Variants in ST6GALNAC4 observed in about 807,000 individuals in gnomAD.
ST6GALNAC4 encodes alpha-N-acetyl-neuraminyl-2,3-beta-galactosyl-1,3-N-acetyl-galactosaminide alpha-2,6-sialyltransferase.
A neutral mutation model predicts 30.4 loss-of-function variants in ST6GALNAC4; 24 were observed. That is an observed-to-expected ratio of 0.79 (90% CI 0.57 to 1.11). The LOEUF is 1.11. Among genes scored for constraint, ST6GALNAC4 ranks in the 50% most tolerant of loss-of-function variants. ST6GALNAC4 has a pLI of 0.00. For synonymous variants in ST6GALNAC4, 156 were observed against 179.7 expected, an observed-to-expected ratio of 0.87 and a Z score of 1.05; for missense variants, 365 against 430.1, an observed-to-expected ratio of 0.85 and a Z score of 1.34.
intron 5 of ST6GALNAC4, among the ~76,000 whole-genome samples, 159 bp from the exon 6 acceptor site, chr9:127,908,740 C>T (rs957700053): frequency 3.3e-5 from 5 of 151,410 alleles, no homozygotes; most frequent in Admixed American, 6.6e-5. Context: ...TAGCAGATCC[C>T]GAGAGCCAGG....
At chr9:127,910,171 T>G in intron 4 of ST6GALNAC4, 113 bp from the exon 5 acceptor site, 15 of 1,393,402 alleles carry the variant, frequency 1.1e-5, no homozygotes, top group Non-Finnish European at 9.4e-6. Flanking sequence ...CTCAACCTCT[T>G]GCGGGGGGCT....
chr9:127,914,839 A>T lies in ST6GALNAC4; in HGVS notation c.15T>A (p.Gly5=). 1 of 1,484,546 alleles carries T rather than the reference A, an allele frequency of 6.7e-7. No homozygotes were observed. The highest frequency in any genetic ancestry group is 9.0e-7 in the Non-Finnish European group (1 of 1,110,026). 92.0% of individuals were successfully genotyped at this position (1,484,546 alleles called of 1,614,324 possible). ...AGCACAGGATGATGAGCACGAGCCGACCCTGAGGGAGACAGTGGCCATGGG... is the reference window on the plus strand; with the variant it reads ...AGCACAGGATGATGAGCACGAGCCGTCCCTGAGGGAGACAGTGGCCATGGG... MKAP[G]RLVLIILCSV... The change falls in exon 3 of 6, where the codon GGT becomes GGA. Residue 5 remains glycine, a splice_region_variant and synonymous_variant. Coordinates refer to ENST00000335791, the MANE Select transcript of ST6GALNAC4 (RefSeq NM_175039.4).
Position 127,916,535 on chromosome 9 carries a change from A to G in ST6GALNAC4, c.-75-41T>C, listed in dbSNP as rs1588679324. ...AACTCAGAGCCGGGAGGGGTAAGGCAGGTGGGGTTCTAAGCTATAGGGAAA... is the reference window on the plus strand; with the variant it reads ...AACTCAGAGCCGGGAGGGGTAAGGCGGGTGGGGTTCTAAGCTATAGGGAAA... On this transcript the variant is annotated intron_variant, in intron 1 of 5. Coordinates refer to ENST00000335791, the MANE Select transcript of ST6GALNAC4 (RefSeq NM_175039.4). 3.1e-6 allele frequency: 4 copies of G among 1,294,518 alleles called. No individual in the cohort carries two copies. In the East Asian group the frequency reaches 9.2e-5, roughly 30 times the overall value. 80.2% of individuals were successfully genotyped at this position (1,294,518 alleles called of 1,614,324 possible).
chr9:127,914,921 TG>T, intron 2 of ST6GALNAC4, 80 bp from the exon 3 acceptor site: 1 of 1,323,722 alleles, frequency 7.6e-7, no homozygotes, highest in Non-Finnish European at 9.9e-7. Flanking sequence ...CCTGGCCTCC[TG>T]GGTCTAGAGA....
chr9:127,914,323 G>C (rs1831142739), intron 3 of ST6GALNAC4, among the ~76,000 whole-genome samples: 1 of 150,196 alleles, frequency 6.7e-6, no homozygotes, highest in Non-Finnish European at 1.5e-5. Context: ...GAACCTGGGA[G>C]GCAGAGGTTG....
chr9:127,909,684 C>T (rs1178915498), intron 5 of ST6GALNAC4, among the ~76,000 whole-genome samples: 1 of 151,884 alleles, frequency 6.6e-6, no homozygotes, highest in Non-Finnish European at 1.5e-5. Flanking sequence ...CTATTTTCCA[C>T]ATAAGGAAAC....
intron 3 of ST6GALNAC4, among the ~76,000 whole-genome samples, chr9:127,913,212 C>T (rs1263957514): frequency 1.3e-5 from 2 of 152,232 alleles, no homozygotes; most frequent in Non-Finnish European, 2.9e-5. Context: ...CTGGCTCTGC[C>T]CTCTCCTAGC....
chr9:127,910,598 C>A lies in ST6GALNAC4; in HGVS notation c.612-540G>T, dbSNP rs569517188. On this transcript the variant is annotated intron_variant, in intron 4 of 5. Coordinates refer to ENST00000335791, the MANE Select transcript of ST6GALNAC4 (RefSeq NM_175039.4). ...TGTCAGCCCAGCCCCTGCCCGCATG[C>A]CCCCATGCCCCACTCAGAGCAAGGG... 886 of 990,606 alleles carry A rather than the reference C, an allele frequency of 8.9e-4. 2 individuals are homozygous for A. Among genetic ancestry groups the A allele is most frequent in the Non-Finnish European group, 1.0e-3 (856 of 833,364 alleles). 61.4% of individuals were successfully genotyped at this position (990,606 alleles called of 1,614,324 possible). A position where few individuals can be genotyped will look rare whatever the true frequency, so the allele number is the denominator to read the frequency against.
rs1367592401 is a variant in ST6GALNAC4 at position 127,916,477 on chromosome 9, G to C, written c.-58C>G. The C allele has an allele frequency of 1.2e-5, 19 of 1,610,832 alleles. No homozygotes were observed. In the Admixed American group the frequency reaches 2.2e-4, roughly 18 times the overall value. On this transcript the variant is annotated 5_prime_UTR_variant, in exon 2 of 6. Coordinates refer to ENST00000335791, the MANE Select transcript of ST6GALNAC4 (RefSeq NM_175039.4). ...CTGTCTCCAGGGCTGGGGCTGGGAAGGGGTGGGAGCCGGGCACCTGCCAAG... is the reference window on the plus strand; with the variant it reads ...CTGTCTCCAGGGCTGGGGCTGGGAACGGGTGGGAGCCGGGCACCTGCCAAG...
At chr9:127,911,150 C>A (rs1831065951) in intron 4 of ST6GALNAC4, among the ~76,000 whole-genome samples, 1 of 152,146 alleles carries the variant, frequency 6.6e-6, no homozygotes, top group Non-Finnish European at 1.5e-5. Context: ...CTGAAGGAGA[C>A]ACAAAGTCAC....
At position 127,912,324 on chromosome 9, in the gene ST6GALNAC4, C is replaced by T. The variant is rs977504364; in HGVS notation, c.555G>A (p.Thr185=). Reference sequence around the variant, plus strand: ...GGTCGCAGTAGGCCATCATGCGCTCCGTGAAGGTGTACACCTGCAGGCCGG... The same window carrying T: ...GGTCGCAGTAGGCCATCATGCGCTCTGTGAAGGTGTACACCTGCAGGCCGG... ...MYPGLQVYTF[T]ERMMAYCDQI... Residue 185 remains threonine, a synonymous_variant, in exon 4 of 6, where the codon ACG becomes ACA. Transcript: ENST00000335791. 1.1e-5 allele frequency: 17 copies of T among 1,614,042 alleles called. No individual in the cohort carries two copies. Among genetic ancestry groups the T allele is most frequent in the Non-Finnish European group, 1.4e-5 (16 of 1,180,008 alleles).
At chr9:127,914,895 C>T in intron 2 of ST6GALNAC4, 54 bp from the exon 3 acceptor site, 1 of 1,412,692 alleles carries the variant, frequency 7.1e-7, no homozygotes, top group African/African-American at 1.5e-5. Flanking sequence ...CTCCCAGAAG[C>T]CCCTTCAGCG....
rs1194659227 is a variant in ST6GALNAC4 at position 127,916,413 on chromosome 9, C to G, written c.7G>C (p.Ala3Pro). Reference protein sequence around the residue: MKAPGRLVLIILC... With the variant: MKPPGRLVLIILC... ...TCCTCCTTCTTCCCACTTACCGGAG[C>G]CTTCATGCTGTCGCTGTCCCTCAGT... Residue 3 changes from alanine to proline, a missense_variant, in exon 2 of 6, where the codon GCT becomes CCT. Ala to Pro is a conservative substitution (Grantham distance 27). Coordinates refer to ENST00000335791, the MANE Select transcript of ST6GALNAC4 (RefSeq NM_175039.4). The G allele has an allele frequency of 2.5e-6, 4 of 1,614,214 alleles. No individual in the cohort carries two copies. Among genetic ancestry groups the G allele is most frequent in the South Asian group, 2.2e-5 (2 of 91,082 alleles).
intron 2 of ST6GALNAC4, among the ~76,000 whole-genome samples, chr9:127,915,702 T>G (rs1831180376): frequency 1.3e-5 from 2 of 152,166 alleles, no homozygotes; most frequent in Non-Finnish European, 1.5e-5. Flanking sequence ...AGCAGAACTG[T>G]GGGCTAGTCA....
At chr9:127,914,950 C>A (rs1831163718) in intron 2 of ST6GALNAC4, 109 bp from the exon 3 acceptor site, 1 of 1,040,368 alleles carries the variant, frequency 9.6e-7, no homozygotes, top group East Asian at 3.1e-5. Context: ...GGGTCTAGAG[C>A]AGCTCCTAGA....
At chr9:127,908,643 C>G in intron 5 of ST6GALNAC4, 62 bp from the exon 6 acceptor site, 1 of 1,432,494 alleles carries the variant, frequency 7.0e-7, no homozygotes, top group Non-Finnish European at 9.3e-7. Flanking sequence ...CCACACCCTG[C>G]CGCCTACCTT....
At chr9:127,910,384 C>A in intron 4 of ST6GALNAC4, 1 of 1,109,062 alleles carries the variant, frequency 9.0e-7, no homozygotes, top group Non-Finnish European at 1.1e-6. Context: ...AGGGACCAGG[C>A]CTGGGGAGAC....
At chr9:127,910,592 C>T (rs1588674485) in intron 4 of ST6GALNAC4, 5 of 991,016 alleles carry the variant, frequency 5.0e-6, no homozygotes, top group African/African-American at 1.7e-5. Flanking sequence ...AGCCCCTGCC[C>T]GCATGCCCCC....
At chr9:127,916,586 G>A (rs1208132865) in intron 1 of ST6GALNAC4, 92 bp from the exon 2 acceptor site, 18 of 734,396 alleles carry the variant, frequency 2.5e-5, no homozygotes, top group South Asian at 8.2e-5. Flanking sequence ...GGTACAGGCC[G>A]GGGTGAAAGC....
Sources: gnomAD v4.1 joint callset for allele counts (sites outside exome capture counted in the v4.1 genomes callset) on GRCh38, gnomAD v4.1.1 for gene constraint, MANE v1.5 for transcripts, NCBI Gene and HGNC (gene_info 2026-07-23, HGNC 2026-07-21) for gene names.